The following NUCKS1 variants were observed in gnomAD, a reference collection of about 807,000 sequenced individuals.
The protein encoded by NUCKS1 is nuclear casein kinase and cyclin dependent kinase substrate 1, also known as nuclear ubiquitous casein and cyclin-dependent kinase substrate 1.
Under a neutral mutation model 33.0 loss-of-function variants are expected in NUCKS1, and 2 were observed. The ratio of observed to expected loss-of-function variants is 0.06; its 90% confidence interval spans 0.02 to 0.19. NUCKS1 has a LOEUF of 0.19. Ranked by LOEUF, NUCKS1 falls within the 10% of genes least tolerant of loss-of-function variation. The probability of loss-of-function intolerance (pLI) is 1.00; values close to 1 mark genes in which losing one functional copy is unlikely to be tolerated. For missense variants in NUCKS1, 201 were observed against 293.6 expected, an observed-to-expected ratio of 0.68 and a Z score of 2.31; for synonymous variants, 106 against 102.8, an observed-to-expected ratio of 1.03 and a Z score of -0.19.
intron 1 of NUCKS1, among the ~76,000 whole-genome samples, chr1:205,731,917 G>C (rs1175558574): frequency 6.6e-6 from 1 of 151,302 alleles, no homozygotes; most frequent in African/African-American, 2.4e-5. Flanking sequence ...AAAAATTTAA[G>C]ATAAATATAC....
chr1:205,723,538 C>G (rs1012861928), intron 4 of NUCKS1, among the ~76,000 whole-genome samples: 5 of 152,088 alleles, frequency 3.3e-5, no homozygotes, highest in South Asian at 2.1e-4. Flanking sequence ...ACCACTCCCC[C>G]TTTTTATGCC....
chr1:205,718,338 G>C lies in NUCKS1; in HGVS notation c.674C>G (p.Pro225Arg), dbSNP rs201477504. Reference protein sequence around the residue: ...PPEKKTSTSPPPEKSGDEGSE... With the variant: ...PPEKKTSTSPRPEKSGDEGSE... ...CCCTTCATCCCCAGATTTCTCGGGT[G>C]GGGGGCTTGTAGATGTTTTCTTTTC... is the stretch of plus-strand genomic sequence containing the variant. The change falls in exon 7 of 7, where the codon CCA becomes CGA. Residue 225 changes from proline to arginine, a missense_variant. Coordinates refer to ENST00000367142, the MANE Select transcript of NUCKS1 (RefSeq NM_022731.5). 35 of 1,613,310 alleles carry C rather than the reference G, an allele frequency of 2.2e-5. No homozygotes were observed. The highest frequency in any genetic ancestry group is 1.3e-4 in the Admixed American group (8 of 59,932).
At chr1:205,740,386 A>C (rs958285089) in intron 1 of NUCKS1, among the ~76,000 whole-genome samples, 2 of 151,960 alleles carry the variant, frequency 1.3e-5, no homozygotes, top group African/African-American at 4.8e-5. Flanking sequence ...TGGGAGGCAG[A>C]GATGGCAGGA....
At chr1:205,746,365 G>T (rs1007909700) in intron 1 of NUCKS1, among the ~76,000 whole-genome samples, 1 of 151,214 alleles carries the variant, frequency 6.6e-6, no homozygotes, top group African/African-American at 2.4e-5. Context: ...TGTCTTTGAA[G>T]GAATTATGTC....
chr1:205,729,241 T>A (rs370077888), intron 2 of NUCKS1, among the ~76,000 whole-genome samples: 2 of 152,338 alleles, frequency 1.3e-5, no homozygotes, highest in African/African-American at 4.8e-5. Flanking sequence ...AGTGCTGGGA[T>A]TACAGGCATG....
intron 1 of NUCKS1, among the ~76,000 whole-genome samples, chr1:205,745,482 T>C (rs1246493547): frequency 7.1e-6 from 1 of 141,794 alleles, no homozygotes; most frequent in East Asian, 2.2e-4. Context: ...AGTGAGATCC[T>C]GTCTCCAAAA....
At chr1:205,736,326 TA>T (rs1196574181) in intron 1 of NUCKS1, among the ~76,000 whole-genome samples, 1 of 152,182 alleles carries the variant, frequency 6.6e-6, no homozygotes, top group Non-Finnish European at 1.5e-5. Flanking sequence ...AATCATTTTT[TA>T]AGTTTAAAGC....
chr1:205,721,276 TA>T (rs879871307), intron 4 of NUCKS1, among the ~76,000 whole-genome samples: 209 of 126,774 alleles, frequency 1.6e-3, no homozygotes, highest in Non-Finnish European at 1.5e-3. Flanking sequence ...TCCCACAACA[TA>T]AAAAAAAAAA....
At chr1:205,719,900 T>C (rs1671891314) in intron 5 of NUCKS1, among the ~76,000 whole-genome samples, 1 of 152,178 alleles carries the variant, frequency 6.6e-6, no homozygotes, top group Non-Finnish European at 1.5e-5. Context: ...AGTGATGTGT[T>C]TGAAAAGTAG....
chr1:205,742,210 G>A (rs1654193497), intron 1 of NUCKS1, among the ~76,000 whole-genome samples: 1 of 152,144 alleles, frequency 6.6e-6, no homozygotes, highest in Non-Finnish European at 1.5e-5. Flanking sequence ...AAGGTAGCTG[G>A]AAGGGAAATC....
At chr1:205,722,147 CTCAT>C (rs1671929864) in intron 4 of NUCKS1, among the ~76,000 whole-genome samples, 2 of 151,960 alleles carry the variant, frequency 1.3e-5, no homozygotes, top group African/African-American at 4.8e-5. Flanking sequence ...GCAATCTTGG[CTCAT>C]TGCAGCCTGT....
chr1:205,739,470 A>T (rs920908834), intron 1 of NUCKS1, among the ~76,000 whole-genome samples: 5 of 152,062 alleles, frequency 3.3e-5, no homozygotes, highest in Non-Finnish European at 7.4e-5. Context: ...ACACAACTCA[A>T]ATTTTTTTTT....
Position 205,713,031 on chromosome 1 carries a change from T to C in NUCKS1, c.*5249A>G, listed in dbSNP as rs1002314962. ...TAACTTTTGAACCAAGACATGTTTA[T>C]CTTTTACCAACAACAGGGATGGTCA... On this transcript the variant is annotated 3_prime_UTR_variant, in exon 7 of 7. Coordinates refer to ENST00000367142, the MANE Select transcript of NUCKS1 (RefSeq NM_022731.5). The C allele has an allele frequency of 2.6e-5, 4 of 152,230 alleles. No homozygotes were observed. Among genetic ancestry groups the C allele is most frequent in the Admixed American group, 2.6e-4 (4 of 15,280 alleles). 9.4% of individuals were successfully genotyped at this position (152,230 alleles called of 1,614,324 possible).
chr1:205,745,932 T>C (rs1463511849), intron 1 of NUCKS1, among the ~76,000 whole-genome samples: 7 of 152,184 alleles, frequency 4.6e-5, no homozygotes, highest in Admixed American at 4.6e-4. Flanking sequence ...AAAATGAAAA[T>C]TTTAAACACT....
intron 1 of NUCKS1, among the ~76,000 whole-genome samples, chr1:205,742,577 C>T (rs968702328): frequency 3.3e-5 from 5 of 152,216 alleles, no homozygotes; most frequent in African/African-American, 1.2e-4. Context: ...GTAATCCCAG[C>T]ACTTTGGGAG....
intron 1 of NUCKS1, among the ~76,000 whole-genome samples, chr1:205,731,957 G>A (rs1653925158): frequency 6.6e-6 from 1 of 151,954 alleles, no homozygotes. Context: ...CCTGAGCAGA[G>A]GGATATTCTT....
chr1:205,739,585 A>G (rs971254317), intron 1 of NUCKS1, among the ~76,000 whole-genome samples: 7 of 151,832 alleles, frequency 4.6e-5, no homozygotes, highest in African/African-American at 1.7e-4. Flanking sequence ...CGATCTTCCC[A>G]CCTCAGCCCC....
At chr1:205,744,301 AC>A in intron 1 of NUCKS1, among the ~76,000 whole-genome samples, 1 of 152,310 alleles carries the variant, frequency 6.6e-6, no homozygotes, top group South Asian at 2.1e-4. Flanking sequence ...CTGTGTAGTT[AC>A]TTTTTTTATC....
intron 1 of NUCKS1, among the ~76,000 whole-genome samples, chr1:205,745,016 G>A (rs1654282188): frequency 6.6e-6 from 1 of 152,118 alleles, no homozygotes; most frequent in Non-Finnish European, 1.5e-5. Flanking sequence ...CATGCATCCT[G>A]TTACCTTTTG....
Sources: allele counts gnomAD v4.1 joint callset (sites outside exome capture counted in the v4.1 genomes callset), GRCh38; gene constraint gnomAD v4.1.1; transcripts MANE v1.5; gene names NCBI Gene and HGNC (gene_info 2026-07-23, HGNC 2026-07-21).